Variants in RABGAP1L observed in about 807,000 individuals in gnomAD.
RABGAP1L encodes the protein RAB GTPase activating protein 1 like, also known as rab GTPase-activating protein 1-like.
RABGAP1L carries 63 observed loss-of-function variants against 137.7 expected under a neutral mutation model. The ratio of observed to expected loss-of-function variants is 0.46; its 90% CI spans 0.37 to 0.56. The LOEUF (loss-of-function observed/expected upper bound fraction) is 0.56. RABGAP1L is among the 20% of genes least tolerant of loss of function. The pLI, the probability that RABGAP1L is intolerant of heterozygous loss-of-function variation, is 0.00. For missense variants in RABGAP1L, 1,095 were observed against 1,244.0 expected (o/e 0.88, Z 1.80); for synonymous variants, 431 against 433.7 (o/e 0.99, Z 0.08).
At chr1:174,270,629 A>G (rs1674478011) in intron 7 of RABGAP1L, among the ~76,000 whole-genome samples, 1 of 152,050 alleles carries the variant, frequency 6.6e-6, no homozygotes, top group Non-Finnish European at 1.5e-5. Flanking sequence ...TTTCTGCCTT[A>G]AAAAATAAAA....
At chr1:174,795,868 G>T (rs991560524) in intron 18 of RABGAP1L, among the ~76,000 whole-genome samples, 16 of 152,192 alleles carry the variant, frequency 1.1e-4, no homozygotes, top group African/African-American at 3.4e-4. Flanking sequence ...GAGCTACTGT[G>T]CCTGGCCTCA....
rs1380156529 is a variant in RABGAP1L at position 174,448,747 on chromosome 1, T to C, written c.1710+54602T>C. On this transcript the variant is annotated intron_variant, in intron 13 of 25. Coordinates refer to ENST00000681986, the MANE Select transcript of RABGAP1L (RefSeq NM_001366446.1). This position sits in a 1 kb window ranked among gnomAD's most constrained non-coding sequence, Gnocchi z 4.2. ...CTGGCTTTATTGTTTGTTTACTTTA[T>C]GCTCCTGCTGCCTTTGTTGTCTGCT... 1.4e-5 allele frequency: 22 copies of C among 1,613,982 alleles called. No individual in the cohort carries two copies. Among genetic ancestry groups the C allele is most frequent in the Non-Finnish European group, 1.8e-5 (21 of 1,179,848 alleles).
chr1:174,642,514 C>T (rs1242780516), intron 14 of RABGAP1L, among the ~76,000 whole-genome samples: 1 of 152,054 alleles, frequency 6.6e-6, no homozygotes, highest in Non-Finnish European at 1.5e-5. Flanking sequence ...TTATTTTTCA[C>T]TTAGTTGATA....
chr1:174,200,712 T>C (rs975200562), intron 1 of RABGAP1L, among the ~76,000 whole-genome samples: 4 of 152,358 alleles, frequency 2.6e-5, no homozygotes, highest in Admixed American at 2.6e-4. Context: ...TGTTTCCTGC[T>C]ATATTTGTTT....
intron 18 of RABGAP1L, among the ~76,000 whole-genome samples, chr1:174,801,625 T>C (rs529617203): frequency 6.6e-6 from 1 of 152,346 alleles, no homozygotes; most frequent in East Asian, 1.9e-4. Flanking sequence ...GGGATATTTT[T>C]GAGAAATGTA....
intron 1 of RABGAP1L, among the ~76,000 whole-genome samples, chr1:174,160,506 A>T (rs1343050556): frequency 6.6e-6 from 1 of 152,188 alleles, no homozygotes; most frequent in Non-Finnish European, 1.5e-5. Flanking sequence ...ATAGGGTTAT[A>T]TTAGAATATG....
At chr1:174,354,864 C>T (rs973403346) in intron 11 of RABGAP1L, among the ~76,000 whole-genome samples, 2 of 152,180 alleles carry the variant, frequency 1.3e-5, no homozygotes, top group African/African-American at 4.8e-5. Flanking sequence ...GATCCAGTTT[C>T]AACTTTCTAC....
chr1:174,456,744 C>T (rs145698208), intron 13 of RABGAP1L, among the ~76,000 whole-genome samples: 3 of 152,100 alleles, frequency 2.0e-5, no homozygotes, highest in East Asian at 1.9e-4. Context: ...TTCTTTAAGT[C>T]GTTTCTAGTG....
chr1:174,678,831 C>T (rs374320940), intron 14 of RABGAP1L, among the ~76,000 whole-genome samples: 142 of 152,310 alleles, frequency 9.3e-4, no homozygotes, highest in African/African-American at 3.1e-3. Flanking sequence ...AGCCTCTAGC[C>T]CAATTGGGAG....
At chr1:174,371,503 G>GAC (rs927981260) in intron 12 of RABGAP1L, among the ~76,000 whole-genome samples, 2 of 151,960 alleles carry the variant, frequency 1.3e-5, no homozygotes, top group African/African-American at 4.8e-5. Flanking sequence ...ATTGTTAACT[G>GAC]ACACAGCTTG....
chr1:174,347,407 A>T (rs1331574252), intron 11 of RABGAP1L, among the ~76,000 whole-genome samples: 3 of 151,562 alleles, frequency 2.0e-5, no homozygotes, highest in Admixed American at 6.6e-5. Flanking sequence ...GGGTGCATAT[A>T]TATTTACAAT....
intron 12 of RABGAP1L, among the ~76,000 whole-genome samples, chr1:174,384,719 A>G (rs1301213018): frequency 6.6e-6 from 1 of 152,158 alleles, no homozygotes; most frequent in Non-Finnish European, 1.5e-5. Context: ...TCAAGTGCAC[A>G]TGACCTCCTT....
intron 19 of RABGAP1L, among the ~76,000 whole-genome samples, chr1:174,864,058 G>A (rs925338552): frequency 6.6e-6 from 1 of 152,140 alleles, no homozygotes; most frequent in African/African-American, 2.4e-5. Flanking sequence ...TTATTTTAGA[G>A]GAAATACATT....
intron 13 of RABGAP1L, among the ~76,000 whole-genome samples, chr1:174,557,008 T>C (rs1666925462): frequency 6.6e-6 from 1 of 152,208 alleles, no homozygotes; most frequent in African/African-American, 2.4e-5. Context: ...TATATACTCT[T>C]GAATGACATG....
At chr1:174,621,867 C>G (rs1188086552) in intron 13 of RABGAP1L, among the ~76,000 whole-genome samples, 1 of 152,142 alleles carries the variant, frequency 6.6e-6, no homozygotes, top group Non-Finnish European at 1.5e-5. Context: ...TCTAATTAAA[C>G]TAAAGAGCTT....
chr1:174,697,070 C>T (rs1267461919), intron 15 of RABGAP1L, among the ~76,000 whole-genome samples: 1 of 152,144 alleles, frequency 6.6e-6, no homozygotes, highest in East Asian at 1.9e-4. Context: ...TACTCTTCCC[C>T]TAGGGAGGCA....
At chr1:174,635,677 G>C (rs1673955620) in intron 13 of RABGAP1L, among the ~76,000 whole-genome samples, 1 of 151,928 alleles carries the variant, frequency 6.6e-6, no homozygotes, top group Non-Finnish European at 1.5e-5. Flanking sequence ...TTTCATTCCT[G>C]TAAGCCATCA....
chr1:174,375,565 A>G (rs1162652902), intron 12 of RABGAP1L, among the ~76,000 whole-genome samples: 1 of 152,170 alleles, frequency 6.6e-6, no homozygotes, highest in Non-Finnish European at 1.5e-5. Context: ...AGGATATAAA[A>G]TAATATTATA....
chr1:174,709,812 G>A (rs550759902), intron 17 of RABGAP1L, among the ~76,000 whole-genome samples: 3 of 152,194 alleles, frequency 2.0e-5, no homozygotes, highest in Non-Finnish European at 2.9e-5. Context: ...AATAGAACTG[G>A]ATGGAGAATG....
Sources: allele counts gnomAD v4.1 joint callset (sites outside exome capture counted in the v4.1 genomes callset), GRCh38; gene constraint gnomAD v4.1.1; non-coding constraint Gnocchi (gnomAD v3.1); transcripts MANE v1.5; gene names NCBI Gene and HGNC (gene_info 2026-07-23, HGNC 2026-07-21).